The following CFAP210 variants were observed in gnomAD, a reference collection of about 807,000 sequenced individuals.
CFAP210 encodes the protein cilia and flagella associated protein 210, also known as cilia- and flagella- associated protein 210.
At chr2:169,677,543 C>T in the CFAP210 span, among the ~76,000 whole-genome samples, 1 of 152,186 alleles carries the variant, frequency 6.6e-6, no homozygotes, top group African/African-American at 2.4e-5. Flanking sequence ...AAACACTCAA[C>T]AATTTCGATA....
chr2:169,676,342 G>A, the CFAP210 span, among the ~76,000 whole-genome samples: 7 of 148,918 alleles, frequency 4.7e-5, no homozygotes, highest in Admixed American at 6.7e-5. Flanking sequence ...GAGTTAAAGC[G>A]TTACATGTGC....
chr2:169,645,964 T>C, the CFAP210 span: 1 of 1,613,962 alleles, frequency 6.2e-7, no homozygotes, highest in South Asian at 1.1e-5. Flanking sequence ...TTAATCCACC[T>C]CTGTCCACAA....
At chr2:169,646,375 A>G in the CFAP210 span, among the ~76,000 whole-genome samples, 1 of 152,206 alleles carries the variant, frequency 6.6e-6, no homozygotes, top group Non-Finnish European at 1.5e-5. Flanking sequence ...GTGCAATGAA[A>G]CCTTTATTAA....
chr2:169,646,283 C>A, the CFAP210 span: 2 of 820,168 alleles, frequency 2.4e-6, no homozygotes, highest in Non-Finnish European at 3.9e-6. Context: ...TTTCTAAACT[C>A]ATTGATACTT....
chr2:169,655,141 A>G, the CFAP210 span, among the ~76,000 whole-genome samples: 1 of 152,180 alleles, frequency 6.6e-6, no homozygotes, highest in Non-Finnish European at 1.5e-5. Context: ...ATATAGATAT[A>G]TTAGTATATT....
At chr2:169,679,351 G>A in the CFAP210 span, among the ~76,000 whole-genome samples, 3 of 152,062 alleles carry the variant, frequency 2.0e-5, no homozygotes, top group East Asian at 1.9e-4. Flanking sequence ...ATATCCAGTC[G>A]ACATCTTCCT....
chr2:169,660,134 A>G, the CFAP210 span, among the ~76,000 whole-genome samples: 1 of 152,070 alleles, frequency 6.6e-6, no homozygotes, highest in Non-Finnish European at 1.5e-5. Flanking sequence ...CATGCCTGCA[A>G]TCCTAGCACT....
chr2:169,674,588 T>C, the CFAP210 span: 4 of 1,602,080 alleles, frequency 2.5e-6, no homozygotes, highest in Non-Finnish European at 3.4e-6. Flanking sequence ...TTTTAGATGA[T>C]CTTTGGCAAG....
At chr2:169,654,071 C>T in the CFAP210 span, 4 of 1,607,648 alleles carry the variant, frequency 2.5e-6, no homozygotes, top group East Asian at 6.7e-5. Context: ...TTATTAAAGC[C>T]TACCTGTGTG....
At chr2:169,684,319 T>C in the CFAP210 span, among the ~76,000 whole-genome samples, 4 of 152,222 alleles carry the variant, frequency 2.6e-5, no homozygotes, top group African/African-American at 9.6e-5. Flanking sequence ...TTTTATTGAG[T>C]TATAATACAC....
the CFAP210 span, among the ~76,000 whole-genome samples, chr2:169,688,708 T>C: frequency 6.6e-6 from 1 of 152,232 alleles, no homozygotes; most frequent in Non-Finnish European, 1.5e-5. Context: ...CTGCATTTTA[T>C]TGTCCATGTC....
chr2:169,674,172 T>A, the CFAP210 span, among the ~76,000 whole-genome samples: 2 of 152,154 alleles, frequency 1.3e-5, no homozygotes, highest in African/African-American at 4.8e-5. Flanking sequence ...ATGTGAAAAG[T>A]TTCCCCATGT....
the CFAP210 span, among the ~76,000 whole-genome samples, chr2:169,649,620 T>C: frequency 6.6e-6 from 1 of 152,098 alleles, no homozygotes; most frequent in Non-Finnish European, 1.5e-5. Context: ...AAGGGAAATA[T>C]ATGTAAGTAA....
chr2:169,661,522 G>A, the CFAP210 span, among the ~76,000 whole-genome samples: 1 of 152,142 alleles, frequency 6.6e-6, no homozygotes, highest in African/African-American at 2.4e-5. Flanking sequence ...GCACTGGGAC[G>A]AGAAGACCCT....
chr2:169,676,366 CAAA>C, the CFAP210 span, among the ~76,000 whole-genome samples: 3 of 140,522 alleles, frequency 2.1e-5, no homozygotes, highest in African/African-American at 5.2e-5. Context: ...TTCTGTGTTA[CAAA>C]AAAAAAAAAA....
chr2:169,647,509 A>C, the CFAP210 span, among the ~76,000 whole-genome samples: 3 of 152,218 alleles, frequency 2.0e-5, no homozygotes, highest in Admixed American at 2.0e-4. Context: ...GATAATAGCT[A>C]ATTAACTGTC....
the CFAP210 span, among the ~76,000 whole-genome samples, chr2:169,657,420 A>C: frequency 3.3e-5 from 5 of 152,184 alleles, no homozygotes; most frequent in African/African-American, 1.2e-4. Flanking sequence ...AAGAAGAAAA[A>C]GAAAAAAAGA....
At chr2:169,692,989 ACT>A in the CFAP210 span, among the ~76,000 whole-genome samples, 5 of 152,238 alleles carry the variant, frequency 3.3e-5, no homozygotes, top group South Asian at 1.0e-3. Context: ...TTTAGTAAAC[ACT>A]CTACAAATTG....
chr2:169,659,837 T>C, the CFAP210 span, among the ~76,000 whole-genome samples: 1 of 152,220 alleles, frequency 6.6e-6, no homozygotes, highest in South Asian at 2.1e-4. Flanking sequence ...CCCTTGTTAT[T>C]GGTCTGTTCA....
Sources: gnomAD v4.1 joint callset for allele counts (sites outside exome capture counted in the v4.1 genomes callset) on GRCh38, gnomAD v4.1.1 for gene constraint, MANE v1.5 for transcripts, NCBI Gene and HGNC (gene_info 2026-07-23, HGNC 2026-07-21) for gene names.